GRIP1: variants seen among roughly 807,000 people sequenced by gnomAD.
GRIP1 encodes the protein glutamate receptor interacting protein 1.
In GRIP1, 45 loss-of-function variants were observed where a neutral mutation model predicts 129.9. That is an observed-to-expected ratio of 0.35 (90% CI 0.27 to 0.44). GRIP1 has a LOEUF of 0.44. Among genes scored for constraint, GRIP1 ranks in the 20% least tolerant of loss-of-function variants. GRIP1 has a pLI of 1.00. For synonymous variants in GRIP1, 530 were observed against 520.8 expected (o/e 1.02, Z -0.24); for missense variants, 1,196 against 1,396.8 (o/e 0.86, Z 2.29).
chr12:66,378,567 C>A (rs1313125081), intron 20 of GRIP1, among the ~76,000 whole-genome samples: 1 of 151,864 alleles, frequency 6.6e-6, no homozygotes, highest in Non-Finnish European at 1.5e-5. Flanking sequence ...GTCAACATGA[C>A]AAAACCCCAT....
chr12:67,035,968 T>C (rs2043088224), intron 1 of GRIP1, among the ~76,000 whole-genome samples: 1 of 152,238 alleles, frequency 6.6e-6, no homozygotes, highest in Admixed American at 6.5e-5. Context: ...ACAGAATACA[T>C]TCTAAAAAAG....
At chr12:66,906,806 GCTC>G (rs1566073457) in intron 1 of GRIP1, among the ~76,000 whole-genome samples, 1 of 152,164 alleles carries the variant, frequency 6.6e-6, no homozygotes, top group Non-Finnish European at 1.5e-5. Context: ...TCTATAGAAA[GCTC>G]CTAGTTGGCT....
chr12:66,763,448 T>G (rs78298456), intron 1 of GRIP1, among the ~76,000 whole-genome samples: 1,992 of 152,328 alleles, frequency 0.013, 53 homozygotes, highest in African/African-American at 0.046. Flanking sequence ...ACAACTACTG[T>G]TCTGACCACA....
intron 1 of GRIP1, among the ~76,000 whole-genome samples, chr12:66,986,328 G>A (rs969824341): frequency 9.9e-5 from 15 of 151,966 alleles, no homozygotes; most frequent in South Asian, 2.1e-4. Flanking sequence ...CCATTACTGG[G>A]TATATACCTA....
chr12:66,440,970 T>C (rs1208549589), intron 13 of GRIP1, among the ~76,000 whole-genome samples: 2 of 152,204 alleles, frequency 1.3e-5, no homozygotes, highest in Admixed American at 6.5e-5. Context: ...GTGTCCAGTC[T>C]CTTTCATCCA....
chr12:66,582,690 A>C (rs1036594177), intron 2 of GRIP1, among the ~76,000 whole-genome samples: 6 of 143,560 alleles, frequency 4.2e-5, no homozygotes, highest in African/African-American at 7.7e-5. Flanking sequence ...CTAGGAATCC[A>C]ACTTACAAGG....
intron 1 of GRIP1, among the ~76,000 whole-genome samples, chr12:66,663,058 C>A (rs559818859): frequency 6.6e-6 from 1 of 152,180 alleles, no homozygotes; most frequent in Admixed American, 6.5e-5. Flanking sequence ...GTATAGCATC[C>A]CCTTTCTCAT....
intron 12 of GRIP1, among the ~76,000 whole-genome samples, 192 bp from the exon 13 acceptor site, chr12:66,444,921 G>A (rs1435904216): frequency 1.3e-5 from 2 of 152,164 alleles, no homozygotes; most frequent in Non-Finnish European, 2.9e-5. Context: ...ATTGTGAGCA[G>A]GGGAATCCTG....
At chr12:67,001,924 C>T (rs1366647909) in intron 1 of GRIP1, among the ~76,000 whole-genome samples, 3 of 151,992 alleles carry the variant, frequency 2.0e-5, no homozygotes, top group Admixed American at 6.6e-5. Context: ...ATTGTCCCTA[C>T]CAGTCATTTA....
chr12:66,993,146 A>G (rs1333550511), intron 1 of GRIP1, among the ~76,000 whole-genome samples: 2 of 152,100 alleles, frequency 1.3e-5, no homozygotes, highest in African/African-American at 4.8e-5. Context: ...AAATTAGGAA[A>G]TATCTTGAAA....
chr12:66,732,382 T>C (rs1250076969), intron 1 of GRIP1, among the ~76,000 whole-genome samples: 1 of 152,010 alleles, frequency 6.6e-6, no homozygotes. Flanking sequence ...TGAGACCCTG[T>C]TTCTAAAAAA....
intron 7 of GRIP1, among the ~76,000 whole-genome samples, chr12:66,481,092 C>T (rs2059790279): frequency 6.6e-6 from 1 of 151,928 alleles, no homozygotes; most frequent in Admixed American, 6.6e-5. Context: ...CCAAAACTAA[C>T]AAATGGGATC....
chr12:66,520,985 T>C (rs536659427), intron 5 of GRIP1, among the ~76,000 whole-genome samples: 1 of 152,238 alleles, frequency 6.6e-6, no homozygotes, highest in Non-Finnish European at 1.5e-5. Flanking sequence ...ACTATATTCA[T>C]CTAGTTATTT....
At chr12:66,635,357 A>T (rs2031258610) in intron 1 of GRIP1, among the ~76,000 whole-genome samples, 1 of 151,918 alleles carries the variant, frequency 6.6e-6, no homozygotes, top group Non-Finnish European at 1.5e-5. Context: ...CCAGGAGTTC[A>T]AGGTTACAGC....
chr12:66,898,115 A>T (rs1208945756), intron 1 of GRIP1, among the ~76,000 whole-genome samples: 3 of 152,200 alleles, frequency 2.0e-5, no homozygotes, highest in Non-Finnish European at 4.4e-5. Flanking sequence ...TACAAAGTGG[A>T]GGAATTTTTA....
At chr12:67,030,805 T>C (rs1007091367) in intron 1 of GRIP1, among the ~76,000 whole-genome samples, 1 of 152,182 alleles carries the variant, frequency 6.6e-6, no homozygotes, top group Non-Finnish European at 1.5e-5. Flanking sequence ...GTAGGACAAG[T>C]ACTTAGGGTG....
intron 1 of GRIP1, among the ~76,000 whole-genome samples, chr12:66,974,943 TC>T (rs1485852897): frequency 6.6e-6 from 1 of 152,208 alleles, no homozygotes; most frequent in African/African-American, 2.4e-5. Flanking sequence ...GCTGTTGCCA[TC>T]CACTGCAATT....
At chr12:66,608,439 T>C (rs1232006363) in intron 1 of GRIP1, among the ~76,000 whole-genome samples, 1 of 152,184 alleles carries the variant, frequency 6.6e-6, no homozygotes, top group Non-Finnish European at 1.5e-5. Context: ...TTCAAGAGAT[T>C]CTGCTGCCTC....
At chr12:66,715,681 C>CTG (rs2136421921) in intron 1 of GRIP1, among the ~76,000 whole-genome samples, 1 of 152,136 alleles carries the variant, frequency 6.6e-6, no homozygotes, top group East Asian at 1.9e-4. Context: ...TGGTCTTGCT[C>CTG]AGACCTGTTC....
Sources: gnomAD v4.1 joint callset for allele counts (sites outside exome capture counted in the v4.1 genomes callset) on GRCh38, gnomAD v4.1.1 for gene constraint, MANE v1.5 for transcripts, NCBI Gene and HGNC (gene_info 2026-07-23, HGNC 2026-07-21) for gene names.